Variants in CBY2 observed in about 807,000 individuals in gnomAD.
CBY2 encodes the protein protein chibby homolog 2.
A neutral mutation model predicts 25.3 loss-of-function variants in CBY2; 23 were observed. That is an observed-to-expected ratio of 0.91 (90% confidence interval 0.65 to 1.29). CBY2 has a LOEUF of 1.29. CBY2 is among the 50% of genes most tolerant of loss of function. CBY2 has a pLI of 0.00. For missense variants in CBY2, 642 were observed against 590.7 expected, an observed-to-expected ratio of 1.09 and a Z score of -0.90; for synonymous variants, 279 against 260.2, an observed-to-expected ratio of 1.07 and a Z score of -0.70.
At chr13:45,702,714 C>A (rs112499938) in intron 1 of CBY2, 61 bp from the exon 2 acceptor site, 14 of 1,336,274 alleles carry the variant, frequency 1.0e-5, no homozygotes, top group African/African-American at 7.3e-5. Flanking sequence ...TTTAGGCGAG[C>A]AATTGAGGCC....
chr13:45,713,355 C>T lies in CBY2; in HGVS notation c.330C>T (p.Ala110=), dbSNP rs1950283814. 4 of 1,614,072 alleles carry T rather than the reference C, an allele frequency of 2.5e-6. No homozygotes were observed. The highest frequency in any genetic ancestry group is 2.2e-5 in the South Asian group (2 of 91,094). Residue 110 remains alanine (A), a synonymous_variant, in exon 3 of 3, where the codon GCC becomes GCT. Coordinates refer to ENST00000310521, the MANE Select transcript of CBY2 (RefSeq NM_152719.3). The surrounding 1 kb of genome is among the most constrained non-coding windows in gnomAD (Gnocchi z 5.0). ...CCATGGAGCGCCCCATGTCCCAGGC[C>T]GACCTGGAGCTGGACTACAACCCGC... ...LDPMERPMSQ[A]DLELDYNPPR... is the part of the protein sequence containing the mutation.
At position 45,714,408 on chromosome 13, in the gene CBY2, C is replaced by T; in HGVS notation, c.*36C>T. 6.7e-7 allele frequency: 1 copy of T among 1,501,950 alleles called. No individual in the cohort carries two copies. The allele number at this position is 1,501,950 out of a possible 1,614,324, so 93.0% of individuals were successfully genotyped here. On this transcript the variant is annotated 3_prime_UTR_variant, in exon 3 of 3. Coordinates refer to ENST00000310521, the MANE Select transcript of CBY2 (RefSeq NM_152719.3). ...TTGCACCGGGACGCCGAGTTTGGGA[C>T]ACCGAACACTGGGCAAAAGAGAATC...
chr13:45,707,349 C>T (rs1403632613), intron 2 of CBY2, among the ~76,000 whole-genome samples: 1 of 152,026 alleles, frequency 6.6e-6, no homozygotes, highest in African/African-American at 2.4e-5. Flanking sequence ...AACAGCTTTG[C>T]CCTGGGACTA....
chr13:45,708,511 T>C (rs142576210), intron 2 of CBY2, among the ~76,000 whole-genome samples: 17 of 152,268 alleles, frequency 1.1e-4, no homozygotes, highest in East Asian at 7.7e-4. Context: ...AGGGGAAAAA[T>C]TGGTGCAATA....
intron 2 of CBY2, among the ~76,000 whole-genome samples, chr13:45,710,750 T>C (rs1363559178): frequency 1.3e-5 from 2 of 152,200 alleles, no homozygotes; most frequent in African/African-American, 2.4e-5. Flanking sequence ...TTTTTTAAAC[T>C]AAATAAAATT....
At chr13:45,707,674 C>T (rs1054129759) in intron 2 of CBY2, among the ~76,000 whole-genome samples, 1 of 152,158 alleles carries the variant, frequency 6.6e-6, no homozygotes, top group Non-Finnish European at 1.5e-5. Flanking sequence ...AGAGGACAGG[C>T]CTGGTTGTAA....
At position 45,704,881 on chromosome 13, in the gene CBY2, G is replaced by C. The variant is rs1950231475; in HGVS notation, c.156+2026G>C. 1.3e-5 allele frequency among the ~76,000 whole-genome samples: 2 copies of C among 152,176 alleles called. No individual in the cohort carries two copies. The highest frequency in any genetic ancestry group is 1.3e-4 in the Admixed American group (2 of 15,282). On this transcript the variant is annotated intron_variant, in intron 2 of 2. Coordinates refer to ENST00000310521, the MANE Select transcript of CBY2 (RefSeq NM_152719.3). The surrounding 1 kb of genome is among the most constrained non-coding windows in gnomAD (Gnocchi z 4.1). ...TCCATGGTTCTTCTCTTGCTTTTTG[G>C]AGATGGAGTCTTCTCCCTGCATCTT...
In CBY2 at chr13:45,714,481, A is replaced by G. The variant is rs1206939096; in HGVS notation, c.*109A>G. 2.0e-6 allele frequency: 2 copies of G among 992,720 alleles called. No individual in the cohort carries two copies. Among genetic ancestry groups the G allele is most frequent in the African/African-American group, 3.3e-5 (2 of 61,076 alleles). 61.5% of individuals were successfully genotyped at this position (992,720 alleles called of 1,614,324 possible). On this transcript the variant is annotated 3_prime_UTR_variant, in exon 3 of 3. Coordinates refer to ENST00000310521, the MANE Select transcript of CBY2 (RefSeq NM_152719.3). ...CGCCTTCCCCAGCCAGTTCGTACCT[A>G]TTGAAAAGCAGCGTTAGCAGCCTTC... is the stretch of plus-strand genomic sequence containing the variant.
Position 45,713,805 on chromosome 13 carries a change from G to A in CBY2, c.780G>A (p.Leu260=). Residue 260 remains leucine (L), a synonymous_variant, in exon 3 of 3, where the codon CTG becomes CTA. Coordinates refer to ENST00000310521, the MANE Select transcript of CBY2 (RefSeq NM_152719.3). The surrounding 1 kb of genome is among the most constrained non-coding windows in gnomAD (Gnocchi z 5.0). ...LREENRALQQ[L]LEQKQAYWAQ... ...AGGAGAATCGCGCGCTGCAGCAGCT[G>A]CTGGAGCAGAAACAGGCCTACTGGG... The A allele has an allele frequency of 6.4e-7, 1 of 1,563,020 alleles. No homozygotes were observed. The highest frequency in any genetic ancestry group is 8.7e-7 in the Non-Finnish European group (1 of 1,155,480).
Position 45,713,460 on chromosome 13 carries a change from C to G in CBY2, c.435C>G (p.Pro145=). 1.9e-6 allele frequency: 3 copies of G among 1,614,198 alleles called. No individual in the cohort carries two copies. The highest frequency in any genetic ancestry group is 1.1e-5 in the South Asian group (1 of 91,086). The change falls in exon 3 of 3, where the codon CCC becomes CCG. Residue 145 remains proline, a synonymous_variant. Transcript: ENST00000310521. This position sits in a 1 kb window ranked among gnomAD's most constrained non-coding sequence, Gnocchi z 5.0. ...ATGAGAACTGCCGCCTGCAGTCTCC[C>G]TACTTCTCCCCATCCGCCTCCTTCC... ...WVNENCRLQS[P]YFSPSASFHH...
rs1950229044 is a variant in CBY2 at position 45,704,457 on chromosome 13, G to C, written c.156+1602G>C. Among the ~76,000 whole-genome samples, 1 of 152,178 alleles carries C rather than the reference G, an allele frequency of 6.6e-6. No homozygotes were observed. The highest frequency in any genetic ancestry group is 2.1e-4 in the South Asian group (1 of 4,824). On this transcript the variant is annotated intron_variant, in intron 2 of 2. Coordinates refer to ENST00000310521, the MANE Select transcript of CBY2 (RefSeq NM_152719.3). This position sits in a 1 kb window ranked among gnomAD's most constrained non-coding sequence, Gnocchi z 4.1. ...CAAGAGGGCACAAGCCATGCACCAGGTTTTGGACACCTGTCAGGATGCTCA... is the reference window on the plus strand; with the variant it reads ...CAAGAGGGCACAAGCCATGCACCAGCTTTTGGACACCTGTCAGGATGCTCA...
chr13:45,702,881 A>T, intron 2 of CBY2, 26 bp downstream of exon 2: 1 of 1,564,156 alleles, frequency 6.4e-7, no homozygotes. Context: ...GAAGGATGTA[A>T]CCTATCAGTG....
rs766798895 is a variant in CBY2 at position 45,713,700 on chromosome 13, C to A, written c.675C>A (p.Ser225=). 6.2e-7 allele frequency: 1 copy of A among 1,612,282 alleles called. No homozygotes were observed. Among genetic ancestry groups the A allele is most frequent in the Admixed American group, 1.7e-5 (1 of 60,022 alleles). ...CACTGCTGCACAAAGACAGCGCGTC[C>A]CTGGAGGTGGTGAAGAAGGACCACG... is the stretch of plus-strand genomic sequence containing the variant. ...PSPLLHKDSA[S]LEVVKKDHVA... The change falls in exon 3 of 3, where the codon TCC becomes TCA. Residue 225 remains serine, a synonymous_variant. Transcript: ENST00000310521. This position sits in a 1 kb window ranked among gnomAD's most constrained non-coding sequence, Gnocchi z 5.0.
Position 45,714,169 on chromosome 13 carries a change from A to G in CBY2, c.1144A>G (p.Thr382Ala), listed in dbSNP as rs761331127. Residue 382 changes from threonine to alanine, a missense_variant, in exon 3 of 3, where the codon ACC becomes GCC. Coordinates refer to ENST00000310521, the MANE Select transcript of CBY2 (RefSeq NM_152719.3). ...ENRLLQEENR[T>A]LQVLRAEHRG... The stretch of plus-strand genomic sequence containing the variant: ...CCGGCTCCTGCAGGAGGAGAACAGG[A>G]CCCTGCAGGTGCTACGGGCAGAGCA... The G allele has an allele frequency of 1.9e-6, 3 of 1,608,670 alleles. No homozygotes were observed. In the East Asian group the frequency reaches 6.7e-5, roughly 36 times the overall value.
intron 2 of CBY2, among the ~76,000 whole-genome samples, chr13:45,709,870 C>T (rs1950259785): frequency 6.6e-6 from 1 of 152,304 alleles, no homozygotes; most frequent in South Asian, 2.1e-4. Flanking sequence ...GGTGGTTTCC[C>T]ATGTGTGTAC....
chr13:45,703,074 A>C, intron 2 of CBY2: 1 of 1,324,716 alleles, frequency 7.5e-7, no homozygotes, highest in Non-Finnish European at 9.7e-7. Flanking sequence ...TGGCTGGGTC[A>C]GATGATCTGG....
Position 45,713,388 on chromosome 13 carries a change from G to A in CBY2, c.363G>A (p.Val121=), listed in dbSNP as rs1409172162. The A allele has an allele frequency of 1.2e-6, 2 of 1,614,202 alleles. No homozygotes were observed. Among genetic ancestry groups the A allele is most frequent in the South Asian group, 1.1e-5 (1 of 91,086 alleles). ...DLELDYNPPR[V]QLSDEMFVFQ... ...AGCTGGACTACAACCCGCCGCGGGTGCAGCTCAGCGACGAGATGTTCGTGT... is the reference window on the plus strand; with the variant it reads ...AGCTGGACTACAACCCGCCGCGGGTACAGCTCAGCGACGAGATGTTCGTGT... Residue 121 remains valine (V), a synonymous_variant, in exon 3 of 3, where the codon GTG becomes GTA. Coordinates refer to ENST00000310521, the MANE Select transcript of CBY2 (RefSeq NM_152719.3). The surrounding 1 kb of genome is among the most constrained non-coding windows in gnomAD (Gnocchi z 5.0).
chr13:45,703,360 T>C (rs1322933368), intron 2 of CBY2: 1 of 1,434,556 alleles, frequency 7.0e-7, no homozygotes, highest in African/African-American at 1.4e-5. Context: ...GCATAGATGC[T>C]TTTTCAGTCA....
At position 45,713,626 on chromosome 13, in the gene CBY2, G is replaced by C; in HGVS notation, c.601G>C (p.Glu201Gln). 1.7e-5 allele frequency: 27 copies of C among 1,613,752 alleles called. No homozygotes were observed. The highest frequency in any genetic ancestry group is 2.3e-5 in the Non-Finnish European group (27 of 1,179,888). ...GAACAAGATCCTACAGGTCTTCTGGGAGGAGCACAAGGCCTCGCTGGGCCG... is the reference window on the plus strand; with the variant it reads ...GAACAAGATCCTACAGGTCTTCTGGCAGGAGCACAAGGCCTCGCTGGGCCG... Reference protein sequence around the residue: ...KENKILQVFWEEHKASLGREE... With the variant: ...KENKILQVFWQEHKASLGREE... The change falls in exon 3 of 3, where the codon GAG (glutamate) becomes CAG (glutamine). Residue 201 changes from glutamate (E) to glutamine (Q), a missense_variant. Physicochemically the swap from Glu to Gln is conservative, Grantham distance 29. Coordinates refer to ENST00000310521, the MANE Select transcript of CBY2 (RefSeq NM_152719.3). This position sits in a 1 kb window ranked among gnomAD's most constrained non-coding sequence, Gnocchi z 5.0.
Sources: gnomAD v4.1 joint callset for allele counts (sites outside exome capture counted in the v4.1 genomes callset) on GRCh38, gnomAD v4.1.1 for gene constraint, Gnocchi (gnomAD v3.1) non-coding constraint, MANE v1.5 for transcripts, NCBI Gene and HGNC (gene_info 2026-07-23, HGNC 2026-07-21) for gene names.